NCAM2: variants seen among roughly 807,000 people sequenced by gnomAD.
NCAM2 encodes N-CAM-2.
A neutral mutation model predicts 98.1 loss-of-function variants in NCAM2; 30 were observed. The observed-to-expected ratio is 0.31, with a 90% CI of 0.23 to 0.41. The LOEUF is 0.41. Among genes scored for constraint, NCAM2 ranks in the 10% least tolerant of loss-of-function variants. The probability of loss-of-function intolerance (pLI) is 1.00; values close to 1 mark genes in which losing one functional copy is unlikely to be tolerated. For missense variants in NCAM2, 867 were observed against 1,005.8 expected, an observed-to-expected ratio of 0.86 and a Z score of 1.87; for synonymous variants, 368 against 342.4, an observed-to-expected ratio of 1.07 and a Z score of -0.83.
intron 1 of NCAM2, among the ~76,000 whole-genome samples, chr21:21,159,202 G>A (rs1472091046): frequency 6.6e-6 from 1 of 152,086 alleles, no homozygotes; most frequent in African/African-American, 2.4e-5. Context: ...TGTATAATAT[G>A]TTTGTGTTGT....
intron 15 of NCAM2, among the ~76,000 whole-genome samples, chr21:21,489,995 T>C (rs1986713974): frequency 6.6e-6 from 1 of 152,064 alleles, no homozygotes; most frequent in African/African-American, 2.4e-5. Flanking sequence ...TAAATCTAAT[T>C]TTATTTTTTT....
chr21:21,135,700 G>T (rs1415689249), intron 1 of NCAM2, among the ~76,000 whole-genome samples: 1 of 152,122 alleles, frequency 6.6e-6, no homozygotes, highest in Non-Finnish European at 1.5e-5. Flanking sequence ...TTTCTGATCT[G>T]ATCTGTTTCT....
chr21:21,198,914 C>T (rs1205852148), intron 1 of NCAM2, among the ~76,000 whole-genome samples: 1 of 152,140 alleles, frequency 6.6e-6, no homozygotes, highest in East Asian at 1.9e-4. Flanking sequence ...GGAAAATTCA[C>T]TTTCCATTAT....
rs1454934592 is a variant in NCAM2 at position 21,335,541 on chromosome 21, A to G, written c.774A>G (p.Ile258Met). Residue 258 changes from isoleucine to methionine, a missense_variant, in exon 7 of 18, where the codon ATA becomes ATG. This residue lies in a region of NCAM2 where 447 missense variants were observed against 495.7 expected (regional missense o/e 0.90). Coordinates refer to ENST00000400546, the MANE Select transcript of NCAM2 (RefSeq NM_004540.5). ...GKLIEENEKY[I>M]LKGSNTELTV... ...TCATTGAAGAAAATGAGAAGTACATATTGAAAGGGAGCAATACAGAACTCA... is the reference window on the plus strand; with the variant it reads ...TCATTGAAGAAAATGAGAAGTACATGTTGAAAGGGAGCAATACAGAACTCA... 2 of 1,607,404 alleles carry G rather than the reference A, an allele frequency of 1.2e-6. No homozygotes were observed. Among genetic ancestry groups the G allele is most frequent in the Admixed American group, 1.7e-5 (1 of 59,148 alleles).
intron 12 of NCAM2, among the ~76,000 whole-genome samples, chr21:21,433,189 A>G (rs1026576957): frequency 1.3e-5 from 2 of 152,214 alleles, no homozygotes; most frequent in Non-Finnish European, 2.9e-5. Context: ...TATCAGAAAC[A>G]TTAATCAGTC....
chr21:21,020,860 A>G (rs779613219), intron 1 of NCAM2, among the ~76,000 whole-genome samples: 14 of 152,230 alleles, frequency 9.2e-5, no homozygotes, highest in Non-Finnish European at 1.3e-4. Flanking sequence ...ACTGTGGCCT[A>G]GTAGACTTCC....
intron 1 of NCAM2, among the ~76,000 whole-genome samples, chr21:21,272,280 G>T (rs143866016): frequency 1.8e-3 from 267 of 152,254 alleles, no homozygotes; most frequent in African/African-American, 6.4e-3. Flanking sequence ...TGGCACCTGA[G>T]ATCTGTACTA....
chr21:21,378,092 C>T (rs1436578099), intron 9 of NCAM2, among the ~76,000 whole-genome samples: 3 of 151,888 alleles, frequency 2.0e-5, no homozygotes, highest in Non-Finnish European at 4.4e-5. Context: ...CATTGGTGGA[C>T]ATTTAGGTTG....
intron 1 of NCAM2, among the ~76,000 whole-genome samples, chr21:21,046,316 T>C (rs2065007118): frequency 6.6e-6 from 1 of 152,166 alleles, no homozygotes; most frequent in Non-Finnish European, 1.5e-5. Context: ...GCATTTGAGT[T>C]GTTGTTAGAC....
chr21:21,232,551 T>C (rs1172619273), intron 1 of NCAM2, among the ~76,000 whole-genome samples: 2 of 151,520 alleles, frequency 1.3e-5, no homozygotes, highest in Non-Finnish European at 3.0e-5. Flanking sequence ...TTCTGGTAAA[T>C]AGGATTTAGA....
intron 14 of NCAM2, among the ~76,000 whole-genome samples, chr21:21,475,693 C>T (rs73896924): frequency 0.016 from 2,398 of 152,174 alleles, 70 homozygotes; most frequent in African/African-American, 0.055. Context: ...ACAGATATTC[C>T]TGAGTTTCAA....
At chr21:21,256,206 A>G (rs2071664441) in intron 1 of NCAM2, among the ~76,000 whole-genome samples, 1 of 152,008 alleles carries the variant, frequency 6.6e-6, no homozygotes, top group South Asian at 2.1e-4. Flanking sequence ...AACAACAAAA[A>G]TTAGCTGGGC....
chr21:21,047,205 T>C (rs1292416861), intron 1 of NCAM2, among the ~76,000 whole-genome samples: 1 of 152,220 alleles, frequency 6.6e-6, no homozygotes, highest in Non-Finnish European at 1.5e-5. Flanking sequence ...ACTGGGGTAT[T>C]TAAGACAATG....
chr21:21,235,912 G>A (rs1033839748), intron 1 of NCAM2, among the ~76,000 whole-genome samples: 2 of 151,970 alleles, frequency 1.3e-5, no homozygotes, highest in Non-Finnish European at 2.9e-5. Context: ...AGTATTATTA[G>A]TAGTAATATA....
intron 1 of NCAM2, among the ~76,000 whole-genome samples, chr21:21,178,780 TA>T (rs1412034342): frequency 6.6e-6 from 1 of 151,840 alleles, no homozygotes; most frequent in Non-Finnish European, 1.5e-5. Context: ...TAAAATAATA[TA>T]TTTTTAATAT....
In NCAM2 at chr21:21,342,570, G is replaced by C. The variant is rs912208783; in HGVS notation, c.1044+4036G>C. On this transcript the variant is annotated intron_variant, in intron 8 of 17. Transcript: ENST00000400546. ...TGTGGCAGCAGGCTTTCTCCACAGA[G>C]AACATTTCAGAAGAATCAGGCCAGA... Among the ~76,000 whole-genome samples, 23 of 152,236 alleles carry C rather than the reference G, an allele frequency of 1.5e-4. 1 individual carries two copies. Among genetic ancestry groups the C allele is most frequent in the African/African-American group, 5.1e-4 (21 of 41,548 alleles).
chr21:21,225,619 C>A (rs1378367327), intron 1 of NCAM2, among the ~76,000 whole-genome samples: 1 of 151,706 alleles, frequency 6.6e-6, no homozygotes, highest in Non-Finnish European at 1.5e-5. Flanking sequence ...AGATATAAAC[C>A]TGTTTATTTT....
chr21:21,332,610 G>A (rs998863244), intron 6 of NCAM2, among the ~76,000 whole-genome samples: 2 of 152,086 alleles, frequency 1.3e-5, no homozygotes, highest in African/African-American at 2.4e-5. Flanking sequence ...GATTTGTTGG[G>A]AACCCTCTGC....
At chr21:21,159,026 G>A (rs796213487) in intron 1 of NCAM2, among the ~76,000 whole-genome samples, 5 of 152,206 alleles carry the variant, frequency 3.3e-5, no homozygotes, top group African/African-American at 4.8e-5. Flanking sequence ...AAGATGTGGA[G>A]GTGGAAGACA....
Sources: gnomAD v4.1 joint callset for allele counts (sites outside exome capture counted in the v4.1 genomes callset) on GRCh38, gnomAD v4.1.1 for gene constraint, gnomAD v4.1.1 regional missense constraint, MANE v1.5 for transcripts, NCBI Gene and HGNC (gene_info 2026-07-23, HGNC 2026-07-21) for gene names.